BRF1: variants seen among roughly 807,000 people sequenced by gnomAD.
BRF1 encodes transcription factor IIIB 90 kDa subunit.
A neutral mutation model predicts 81.7 loss-of-function variants in BRF1; 59 were observed. That is an observed-to-expected ratio of 0.72 (90% CI 0.59 to 0.90). BRF1 has a LOEUF of 0.90. Ranked by LOEUF, BRF1 falls within the 40% of genes least tolerant of loss-of-function variation. The pLI, the probability that BRF1 is intolerant of heterozygous loss-of-function variation, is 0.00. For synonymous variants in BRF1, 491 were observed against 395.6 expected, an observed-to-expected ratio of 1.24 and a Z score of -2.86; for missense variants, 1,050 against 936.3, an observed-to-expected ratio of 1.12 and a Z score of -1.58.
Position 105,252,586 on chromosome 14 carries a change from T to C in BRF1, c.472-7A>G. On this transcript the variant is annotated splice_polypyrimidine_tract_variant and splice_region_variant and intron_variant, in intron 4 of 17. Coordinates refer to ENST00000547530, the MANE Select transcript of BRF1 (RefSeq NM_001519.4). The stretch of plus-strand genomic sequence containing the variant: ...CAAGCACGTACACATTCACCTGAGA[T>C]GGAGAGATCACAACCAGAAACAGCA... 2.5e-6 allele frequency: 4 copies of C among 1,611,156 alleles called. No homozygotes were observed. Among genetic ancestry groups the C allele is most frequent in the Non-Finnish European group, 3.4e-6 (4 of 1,179,170 alleles).
chr14:105,262,920 C>T (rs896562287), intron 3 of BRF1, among the ~76,000 whole-genome samples: 12 of 151,514 alleles, frequency 7.9e-5, no homozygotes, highest in Admixed American at 2.6e-4. Flanking sequence ...GCCTGGACAA[C>T]ATAGCAAGAC....
chr14:105,248,999 G>A (rs1595380146), intron 5 of BRF1: 2 of 1,020,348 alleles, frequency 2.0e-6, no homozygotes, highest in Non-Finnish European at 2.3e-6. Flanking sequence ...CAGCGCCGCC[G>A]CCGCCCGCGC....
intron 5 of BRF1, chr14:105,250,209 G>T (rs1393476867): frequency 6.2e-7 from 1 of 1,612,892 alleles, no homozygotes; most frequent in South Asian, 1.1e-5. Flanking sequence ...AAGAGGAAGG[G>T]CCTCGCCCCG....
At chr14:105,287,922 G>A (rs1270399944) in intron 1 of BRF1, among the ~76,000 whole-genome samples, 1 of 152,254 alleles carries the variant, frequency 6.6e-6, no homozygotes, top group Non-Finnish European at 1.5e-5. Flanking sequence ...GGTGGCAGCA[G>A]AGGCAAAGCC....
chr14:105,273,003 T>TA (rs2056724660), intron 2 of BRF1, 109 bp from the exon 3 acceptor site: 2 of 1,284,816 alleles, frequency 1.6e-6, no homozygotes. Flanking sequence ...CTTTTCCTTG[T>TA]AAGTTTCTGA....
chr14:105,303,518 T>C (rs6576081), upstream of BRF1, among the ~76,000 whole-genome samples: 52,515 of 152,120 alleles, frequency 0.35, 9,736 homozygotes, highest in African/African-American at 0.48. Flanking sequence ...GCTGGGACTA[T>C]GGGCGTGAGC....
chr14:105,250,022 C>G (rs749575989), intron 5 of BRF1: 3 of 1,612,776 alleles, frequency 1.9e-6, no homozygotes, highest in East Asian at 2.2e-5. Flanking sequence ...AATCACCCCA[C>G]GAAACAAGAG....
chr14:105,283,909 G>A (rs1362225157), intron 2 of BRF1, among the ~76,000 whole-genome samples: 1 of 152,184 alleles, frequency 6.6e-6, no homozygotes. Context: ...AGGTCAGGAG[G>A]GCCCCTGGGC....
intron 2 of BRF1, among the ~76,000 whole-genome samples, chr14:105,285,080 G>A (rs1485255170): frequency 2.6e-5 from 4 of 152,152 alleles, no homozygotes; most frequent in Non-Finnish European, 4.4e-5. Context: ...CTGTTTAGGC[G>A]GCAGTGTTCC....
upstream of BRF1, among the ~76,000 whole-genome samples, chr14:105,304,815 A>G (rs1255485504): frequency 6.6e-6 from 1 of 152,236 alleles, no homozygotes; most frequent in Non-Finnish European, 1.5e-5. Flanking sequence ...TTCTGCAGGG[A>G]AACTCCCTCT....
chr14:105,210,508 G>T lies in BRF1; in HGVS notation c.*43C>A, dbSNP rs200780843. The T allele has an allele frequency of 3.1e-6, 5 of 1,605,290 alleles. No individual in the cohort carries two copies. Among genetic ancestry groups the T allele is most frequent in the Admixed American group, 1.7e-5 (1 of 59,840 alleles). On this transcript the variant is annotated 3_prime_UTR_variant, in exon 18 of 18. Transcript: ENST00000547530. The surrounding 1 kb of genome is among the most constrained non-coding windows in gnomAD (Gnocchi z 4.7). ...AGCCCGTCTGATGCTGAGGAGACCC[G>T]CGAGGCCCCCTGCCAGGACATCACC...
Position 105,250,518 on chromosome 14 carries a change from T to C in BRF1, c.544+1989A>G. On this transcript the variant is annotated intron_variant, in intron 5 of 17. Transcript: ENST00000547530. ...GACACCTTCTACACGGCCAGTGCCG[T>C]CCTGGACGGCAGCGAACTCAGCTAC... 2.5e-6 allele frequency: 4 copies of C among 1,613,978 alleles called. No homozygotes were observed. In the South Asian group the frequency reaches 4.4e-5, roughly 18 times the overall value.
At chr14:105,214,069 A>G (rs1595239065) in intron 15 of BRF1, among the ~76,000 whole-genome samples, 1 of 152,044 alleles carries the variant, frequency 6.6e-6, no homozygotes, top group South Asian at 2.1e-4. Context: ...ACGCAAACCC[A>G]CTGTTGGGCT....
At chr14:105,256,218 TCTC>T (rs1221612403) in intron 4 of BRF1, 2 of 1,536,282 alleles carry the variant, frequency 1.3e-6, no homozygotes, top group African/African-American at 1.4e-5. Flanking sequence ...TTGAAAATAA[TCTC>T]CTTTGTGTAG....
intron 5 of BRF1, chr14:105,241,662 G>T: frequency 1.8e-6 from 1 of 563,802 alleles, no homozygotes; most frequent in South Asian, 2.0e-5. Flanking sequence ...GCCAGGCAGC[G>T]TGCTCCTACT....
intron 5 of BRF1, chr14:105,250,392 G>T: frequency 1.9e-6 from 3 of 1,613,818 alleles, no homozygotes; most frequent in Non-Finnish European, 2.5e-6. Context: ...GAGCTCAAGC[G>T]GCTCGGGGTG....
chr14:105,296,542 G>T (rs911200097), intron 1 of BRF1, among the ~76,000 whole-genome samples: 20 of 151,558 alleles, frequency 1.3e-4, no homozygotes, highest in African/African-American at 4.8e-4. Flanking sequence ...TTAGCTGGGT[G>T]CGGTGGCGGG....
intron 11 of BRF1, among the ~76,000 whole-genome samples, chr14:105,221,447 C>A (rs948295449): frequency 2.6e-5 from 4 of 152,242 alleles, no homozygotes; most frequent in Non-Finnish European, 5.9e-5. Flanking sequence ...CGTCGGCACA[C>A]ACCCAATTCT....
At chr14:105,223,265 A>G (rs2141511493) in intron 10 of BRF1, among the ~76,000 whole-genome samples, 1 of 152,338 alleles carries the variant, frequency 6.6e-6, no homozygotes, top group East Asian at 1.9e-4. Flanking sequence ...AATTGACCCA[A>G]AAGGAAATCA....
Sources: gnomAD v4.1 joint callset for allele counts (sites outside exome capture counted in the v4.1 genomes callset) on GRCh38, gnomAD v4.1.1 for gene constraint, Gnocchi (gnomAD v3.1) non-coding constraint, MANE v1.5 for transcripts, NCBI Gene and HGNC (gene_info 2026-07-23, HGNC 2026-07-21) for gene names.